The following CTCFL variants were observed in gnomAD, a reference collection of about 807,000 sequenced individuals.
CTCFL encodes the protein transcriptional repressor CTCFL.
Under a neutral mutation model 67.4 loss-of-function variants are expected in CTCFL, and 36 were observed. That is an observed-to-expected ratio of 0.53 (90% CI 0.41 to 0.71). The LOEUF is 0.71. Among genes scored for constraint, CTCFL ranks in the 30% least tolerant of loss-of-function variants. CTCFL has a pLI of 0.00. For missense variants in CTCFL, 786 were observed against 835.2 expected (o/e 0.94, Z 0.73); for synonymous variants, 324 against 302.3 (o/e 1.07, Z -0.75).
At chr20:57,525,498 G>A (rs2069815067), upstream of CTCFL, 1 of 145,502 alleles carries the variant, frequency 6.9e-6, no homozygotes, top group Non-Finnish European at 1.5e-5. Flanking sequence ...GGATGAGGAA[G>A]GGAGGAGGGC....
chr20:57,515,921 A>C, intron 5 of CTCFL, 87 bp from the exon 6 acceptor site: 1 of 1,413,494 alleles, frequency 7.1e-7, no homozygotes, highest in South Asian at 1.3e-5. Context: ...AAGAGATTTA[A>C]ATTAATCATA....
At chr20:57,522,860 A>G (rs73178730) in intron 3 of CTCFL, among the ~76,000 whole-genome samples, 4,400 of 152,268 alleles carry the variant, frequency 0.029, 110 homozygotes, top group Non-Finnish European at 0.048. Context: ...GAACATTTTT[A>G]CTGTGCTTTC....
intron 5 of CTCFL, 49 bp from the exon 6 acceptor site, chr20:57,515,883 CAG>C (rs768971860): frequency 4.5e-5 from 70 of 1,566,724 alleles, no homozygotes; most frequent in Middle Eastern, 1.7e-4. Flanking sequence ...TAAAAAATGG[CAG>C]AGTCTTCCAT....
intron 7 of CTCFL, chr20:57,513,211 A>G: frequency 2.1e-6 from 2 of 970,506 alleles, no homozygotes; most frequent in South Asian, 9.5e-5. Context: ...GTTTTATATA[A>G]AAAGATATAA....
At chr20:57,513,996 C>G (rs771179040) in intron 7 of CTCFL, 5 of 805,732 alleles carry the variant, frequency 6.2e-6, no homozygotes, top group Non-Finnish European at 8.7e-6. Flanking sequence ...TTCCAAGACC[C>G]TCTGGATTCC....
rs1452421283 is a variant in CTCFL at position 57,519,312 on chromosome 20, G to A, written c.820C>T (p.Arg274Cys). ...TCACTGGTGTGAGTTTTCATATGAC[G>A]ATTAAAACTTGACATTCTAGAAGAG... is the stretch of plus-strand genomic sequence containing the variant. ...FTSSRMSSFN[R>C]HMKTHTSEKP... The change falls in exon 4 of 11, where the codon CGT (arginine) becomes TGT (cysteine). Residue 274 changes from arginine (R) to cysteine (C), a missense_variant. Physicochemically the swap from Arg to Cys is radical, Grantham distance 180. Coordinates refer to ENST00000243914, the MANE Select transcript of CTCFL (RefSeq NM_001386993.1). 5.3e-5 allele frequency: 86 copies of A among 1,613,852 alleles called. No homozygotes were observed. Among genetic ancestry groups the A allele is most frequent in the Non-Finnish European group, 7.0e-5 (83 of 1,179,866 alleles).
Position 57,503,500 on chromosome 20 carries a change from C to T in CTCFL, c.1776G>A (p.Leu592=), listed in dbSNP as rs756317379. The part of the protein sequence containing the change: ...RRTRKRKQTI[L]KEATKGQKEA... ...CCTTCTGACCCTTTGTGGCTTCCTT[C>T]AGGATGGTCTGCTTCCTCTTTCTTG... The change falls in exon 10 of 11, where the codon CTG becomes CTA. Residue 592 remains leucine, a synonymous_variant. Transcript: ENST00000243914. 3.7e-6 allele frequency: 6 copies of T among 1,614,222 alleles called. No homozygotes were observed. In the South Asian group the frequency reaches 5.5e-5, roughly 15 times the overall value.
chr20:57,515,642 A>C, intron 6 of CTCFL, 72 bp downstream of exon 6: 1 of 1,600,254 alleles, frequency 6.2e-7, no homozygotes, highest in Admixed American at 1.7e-5. Flanking sequence ...GTGCCAATAA[A>C]AAGTAATTTT....
At chr20:57,513,589 A>G in intron 7 of CTCFL, 4 of 1,110,458 alleles carry the variant, frequency 3.6e-6, no homozygotes, top group Non-Finnish European at 4.4e-6. Flanking sequence ...AAGTCTAGCA[A>G]CTGGCTAGAC....
At position 57,510,813 on chromosome 20, in the gene CTCFL, G is replaced by A. The variant is rs561935397; in HGVS notation, c.1491+1779C>T. ...AGGAGGTGGAGTTTGCAGTGATAGC[G>A]CCACTGCACTCTAGCCTGGGCAACA... On this transcript the variant is annotated intron_variant, in intron 8 of 10. Coordinates refer to ENST00000243914, the MANE Select transcript of CTCFL (RefSeq NM_001386993.1). 9.9e-5 allele frequency among the ~76,000 whole-genome samples: 15 copies of A among 152,228 alleles called. 1 individual carries two copies. Among genetic ancestry groups the A allele is most frequent in the Middle Eastern group, 3.4e-3 (1 of 294 alleles).
At chr20:57,512,065 T>C (rs1232081859) in intron 8 of CTCFL, among the ~76,000 whole-genome samples, 1 of 152,208 alleles carries the variant, frequency 6.6e-6, no homozygotes, top group African/African-American at 2.4e-5. Context: ...TGGAAGACAG[T>C]GGAGGTGCGT....
intron 3 of CTCFL, among the ~76,000 whole-genome samples, chr20:57,520,779 T>C (rs1400872929): frequency 6.6e-6 from 1 of 152,204 alleles, no homozygotes; most frequent in African/African-American, 2.4e-5. Flanking sequence ...ATGGGTTGAG[T>C]TGTGACCCCT....
Position 57,519,193 on chromosome 20 carries a change from C to T in CTCFL, c.925+14G>A, listed in dbSNP as rs2069154955. ...CACATCATTCCAGAGAAACAGCCTT[C>T]CCGGCAGTTTTACCTGTGTGGGTGT... On this transcript the variant is annotated intron_variant, in intron 4 of 10. Coordinates refer to ENST00000243914, the MANE Select transcript of CTCFL (RefSeq NM_001386993.1). The T allele has an allele frequency of 6.2e-7, 1 of 1,612,324 alleles. No individual in the cohort carries two copies. Among genetic ancestry groups the T allele is most frequent in the Non-Finnish European group, 8.5e-7 (1 of 1,178,616 alleles).
chr20:57,504,858 G>C (rs2068112983), intron 9 of CTCFL, among the ~76,000 whole-genome samples: 1 of 151,964 alleles, frequency 6.6e-6, no homozygotes, highest in African/African-American at 2.4e-5. Context: ...CCTACAACCT[G>C]TAAGCCCTTG....
chr20:57,514,923 T>C lies in CTCFL; in HGVS notation c.1181-182A>G. On this transcript the variant is annotated intron_variant, in intron 6 of 10. Coordinates refer to ENST00000243914, the MANE Select transcript of CTCFL (RefSeq NM_001386993.1). ...CCAGACAGCTTATGTCAAGTACAGC[T>C]GTGTCCATGATGGACCAGAGACATG... 6.4e-6 allele frequency: 4 copies of C among 629,660 alleles called. No homozygotes were observed. In the East Asian group the frequency reaches 1.1e-4, roughly 17 times the overall value. 39.0% of individuals were successfully genotyped at this position (629,660 alleles called of 1,614,324 possible).
At chr20:57,517,283 CTTTTTTTTTTT>C (rs77609219) in intron 5 of CTCFL, among the ~76,000 whole-genome samples, 1 of 130,774 alleles carries the variant, frequency 7.6e-6, no homozygotes, top group Non-Finnish European at 1.6e-5. Flanking sequence ...AGTTCAAATG[CTTTTTTTTTTT>C]TTTTTTTGGA....
Position 57,498,103 on chromosome 20 carries a change from A to C in CTCFL, c.*447T>G, listed in dbSNP as rs1427703479. The C allele has an allele frequency of 1.0e-6, 1 of 957,994 alleles. No homozygotes were observed. Among genetic ancestry groups the C allele is most frequent in the Non-Finnish European group, 1.2e-6 (1 of 804,918 alleles). 59.3% of individuals were successfully genotyped at this position (957,994 alleles called of 1,614,324 possible). A position where few individuals can be genotyped will look rare whatever the true frequency, so the allele number is the denominator to read the frequency against. The stretch of plus-strand genomic sequence containing the variant: ...ATTAGAAATATCATGGGTGTATATA[A>C]TGCAACATAAAAATGTCCAGCTTTG... On this transcript the variant is annotated 3_prime_UTR_variant, in exon 11 of 11. Coordinates refer to ENST00000243914, the MANE Select transcript of CTCFL (RefSeq NM_001386993.1).
chr20:57,506,786 A>G (rs1459745883), intron 9 of CTCFL: 3 of 984,750 alleles, frequency 3.0e-6, no homozygotes, highest in Non-Finnish European at 3.6e-6. Context: ...TGCACCAAAG[A>G]GCAGTTTTTT....
intron 10 of CTCFL, 48 bp from the exon 11 acceptor site, chr20:57,498,749 T>C (rs574442614): frequency 1.8e-5 from 28 of 1,538,238 alleles, no homozygotes; most frequent in South Asian, 4.6e-5. Flanking sequence ...AGCTAAGGAA[T>C]TGGAATTTAT....
Sources: gnomAD v4.1 joint callset for allele counts (sites outside exome capture counted in the v4.1 genomes callset) on GRCh38, gnomAD v4.1.1 for gene constraint, MANE v1.5 for transcripts, NCBI Gene and HGNC (gene_info 2026-07-23, HGNC 2026-07-21) for gene names.